Variants in RNF111 observed in about 807,000 individuals in gnomAD.
RNF111 encodes E3 ubiquitin-protein ligase Arkadia.
RNF111 carries 17 observed loss-of-function variants against 95.1 expected under a neutral mutation model. That is an observed-to-expected ratio of 0.18 (90% CI 0.12 to 0.27). The LOEUF is 0.27. Among genes scored for constraint, RNF111 ranks in the 10% least tolerant of loss-of-function variants. The pLI is 1.00. For synonymous variants in RNF111, 440 were observed against 414.8 expected (o/e 1.06, Z -0.74); for missense variants, 1,189 against 1,210.4 (o/e 0.98, Z 0.26).
At chr15:59,069,476 C>G (rs1307795801) in intron 6 of RNF111, among the ~76,000 whole-genome samples, 1 of 152,122 alleles carries the variant, frequency 6.6e-6, no homozygotes, top group Non-Finnish European at 1.5e-5. Flanking sequence ...TTTGAGACAT[C>G]AATTATGTAT....
At chr15:59,041,206 C>T (rs1356499256) in intron 2 of RNF111, among the ~76,000 whole-genome samples, 1 of 152,146 alleles carries the variant, frequency 6.6e-6, no homozygotes, top group Non-Finnish European at 1.5e-5. Context: ...AACCAGTCTC[C>T]TATTGATGAA....
At chr15:58,991,020 G>A (rs1229126020) in intron 1 of RNF111, among the ~76,000 whole-genome samples, 1 of 152,090 alleles carries the variant, frequency 6.6e-6, no homozygotes, top group Non-Finnish European at 1.5e-5. Context: ...CTGAGGCTGG[G>A]TGCGCTTGCT....
chr15:58,992,214 T>C (rs1243210914), intron 1 of RNF111, among the ~76,000 whole-genome samples: 1 of 152,098 alleles, frequency 6.6e-6, no homozygotes, highest in African/African-American at 2.4e-5. Context: ...CTGCTAACTT[T>C]TTGTATTTTT....
chr15:59,057,923 A>G (rs2042264305), intron 4 of RNF111, among the ~76,000 whole-genome samples: 1 of 152,252 alleles, frequency 6.6e-6, no homozygotes, highest in African/African-American at 2.4e-5. Flanking sequence ...TGGTGAAATC[A>G]GTATTGCTAT....
chr15:59,016,250 A>G (rs185166700), intron 1 of RNF111, among the ~76,000 whole-genome samples: 1 of 151,048 alleles, frequency 6.6e-6, no homozygotes, highest in African/African-American at 2.4e-5. Context: ...GCTCACTGCA[A>G]CCTCCACCTC....
chr15:59,061,475 T>G (rs922499000), intron 5 of RNF111, among the ~76,000 whole-genome samples: 2 of 152,216 alleles, frequency 1.3e-5, no homozygotes, highest in South Asian at 4.1e-4. Flanking sequence ...TAAGTGCCTA[T>G]TTCAAAACAC....
At chr15:59,015,894 C>G (rs2040041933) in intron 1 of RNF111, among the ~76,000 whole-genome samples, 2 of 152,034 alleles carry the variant, frequency 1.3e-5, no homozygotes, top group South Asian at 4.1e-4. Flanking sequence ...TTCTCACGCC[C>G]AGGTTGGAGT....
Position 59,003,717 on chromosome 15 carries a change from A to G in RNF111, c.-20+15649A>G, listed in dbSNP as rs532490689. ...GCACGTGGCGTATTTTCTTAATAGC[A>G]CGTGTTTCGCTCTAAAATTATCTTG... On this transcript the variant is annotated intron_variant, in intron 1 of 13. Transcript: ENST00000348370. Among the ~76,000 whole-genome samples, 28 of 152,324 alleles carry G rather than the reference A, an allele frequency of 1.8e-4. No homozygotes were observed. In the South Asian group the frequency reaches 2.1e-3, roughly 11 times the overall value.
At position 59,081,271 on chromosome 15, in the gene RNF111, A is replaced by T; in HGVS notation, c.2284A>T (p.Met762Leu). ...GATGGAAGTTCAAAGGAGGAGGATG[A>T]TGCAGCATCCAACGTATGTTTTACG... ...QRMEVQRRRMMQHPTRAHERP... is the reference protein window; with the variant it reads ...QRMEVQRRRMLQHPTRAHERP... The change falls in exon 8 of 14, where the codon ATG becomes TTG. Residue 762 changes from methionine to leucine, a missense_variant. By Grantham distance (15) the Met-to-Leu change is conservative. Transcript: ENST00000348370. The T allele has an allele frequency of 1.2e-6, 2 of 1,612,974 alleles. No homozygotes were observed. Among genetic ancestry groups the T allele is most frequent in the Non-Finnish European group, 1.7e-6 (2 of 1,178,996 alleles).
At chr15:59,039,721 AT>A (rs113202002) in intron 2 of RNF111, among the ~76,000 whole-genome samples, 4,792 of 143,088 alleles carry the variant, frequency 0.033, 112 homozygotes, top group Middle Eastern at 0.065. Flanking sequence ...AGAACTCCTG[AT>A]TTTTTTTTTT....
intron 1 of RNF111, among the ~76,000 whole-genome samples, chr15:58,992,358 T>C (rs2141360984): frequency 6.6e-6 from 1 of 152,240 alleles, no homozygotes; most frequent in South Asian, 2.1e-4. Context: ...TCTGTTATTT[T>C]AAACAGATAC....
intron 2 of RNF111, among the ~76,000 whole-genome samples, chr15:59,038,484 T>C (rs374172420): frequency 6.6e-6 from 1 of 152,304 alleles, no homozygotes; most frequent in South Asian, 2.1e-4. Flanking sequence ...GTAGCATTGA[T>C]TGAGTTATAG....
chr15:59,090,632 C>CCATA (rs879312964), intron 11 of RNF111, among the ~76,000 whole-genome samples: 3 of 152,256 alleles, frequency 2.0e-5, no homozygotes, highest in East Asian at 1.9e-4. Flanking sequence ...TTCATCTTCT[C>CCATA]CATACATACA....
intron 1 of RNF111, among the ~76,000 whole-genome samples, chr15:59,020,118 A>T (rs1457485365): frequency 6.7e-6 from 1 of 148,476 alleles, no homozygotes; most frequent in Non-Finnish European, 1.5e-5. Flanking sequence ...TATATTTCAT[A>T]TATAAAATAC....
intron 10 of RNF111, among the ~76,000 whole-genome samples, chr15:59,086,849 T>G (rs1226585094): frequency 6.6e-6 from 1 of 152,204 alleles, no homozygotes; most frequent in Non-Finnish European, 1.5e-5. Flanking sequence ...CCTGATCAAA[T>G]TTATGATTTT....
intron 1 of RNF111, among the ~76,000 whole-genome samples, chr15:59,013,044 C>A (rs1425242344): frequency 6.6e-6 from 1 of 151,940 alleles, no homozygotes; most frequent in Non-Finnish European, 1.5e-5. Flanking sequence ...CGGCCTGGTT[C>A]CAGCTTTAGA....
intron 9 of RNF111, among the ~76,000 whole-genome samples, chr15:59,084,863 G>A (rs146937638): frequency 1.6e-3 from 242 of 152,118 alleles, no homozygotes; most frequent in African/African-American, 5.1e-3. Flanking sequence ...AGTAAGAGGC[G>A]TGGACCTTTT....
Position 59,031,598 on chromosome 15 carries a change from A to C in RNF111, c.776A>C (p.Asn259Thr). ...CCTAGTTCTAGTAGTTCCAGTGAGA[A>C]TGACCTCAGCAGTGAATCCTCTTCT... is the stretch of plus-strand genomic sequence containing the variant. ...LLPSSSSSSE[N>T]DLSSESSSSS... The change falls in exon 2 of 14, where the codon AAT becomes ACT. Residue 259 changes from asparagine (N) to threonine (T), a missense_variant. Around this residue, in one of 2 missense-constraint regions of RNF111, gnomAD observed 1,024 missense variants for 925.9 expected, o/e 1.11. Transcript: ENST00000348370. 6.2e-7 allele frequency: 1 copy of C among 1,614,242 alleles called. No individual in the cohort carries two copies. The highest frequency in any genetic ancestry group is 1.7e-5 in the Admixed American group (1 of 60,036).
At chr15:59,004,910 C>G (rs1382708449) in intron 1 of RNF111, among the ~76,000 whole-genome samples, 1 of 152,174 alleles carries the variant, frequency 6.6e-6, no homozygotes, top group African/African-American at 2.4e-5. Context: ...TGCTCACATT[C>G]TGAGAGACAC....
Sources: gnomAD v4.1 joint callset for allele counts (sites outside exome capture counted in the v4.1 genomes callset) on GRCh38, gnomAD v4.1.1 for gene constraint, gnomAD v4.1.1 regional missense constraint, MANE v1.5 for transcripts, NCBI Gene and HGNC (gene_info 2026-07-23, HGNC 2026-07-21) for gene names.